The following ULK4 variants were observed in gnomAD, a reference collection of about 807,000 sequenced individuals.
The protein encoded by ULK4 is unc-51 like kinase 4.
ULK4 carries 133 observed loss-of-function variants against 160.6 expected under a neutral mutation model. The observed-to-expected ratio is 0.83, with a 90% CI of 0.72 to 0.96. ULK4 has a LOEUF of 0.96. ULK4 is among the 40% of genes least tolerant of loss of function. ULK4 has a pLI of 0.00. For missense variants in ULK4, 1,580 were observed against 1,499.5 expected (o/e 1.05, Z -0.89); for synonymous variants, 534 against 539.8 (o/e 0.99, Z 0.15).
At chr3:41,369,323 A>C (rs1012718920) in intron 35 of ULK4, among the ~76,000 whole-genome samples, 1 of 151,888 alleles carries the variant, frequency 6.6e-6, no homozygotes, top group African/African-American at 2.4e-5. Context: ...CAAAACCTTG[A>C]CTCCACTAAA....
At chr3:41,842,940 A>G (rs1361301172) in intron 17 of ULK4, among the ~76,000 whole-genome samples, 1 of 152,240 alleles carries the variant, frequency 6.6e-6, no homozygotes, top group East Asian at 1.9e-4. Context: ...CAACTTTTTC[A>G]ATAAATAGTG....
chr3:41,504,722 C>T (rs1209984161), intron 32 of ULK4, among the ~76,000 whole-genome samples: 1 of 152,068 alleles, frequency 6.6e-6, no homozygotes, highest in Non-Finnish European at 1.5e-5. Context: ...CTGAACATAT[C>T]CACATCAATA....
chr3:41,661,511 GATAGAT>G (rs2035163447), intron 30 of ULK4, among the ~76,000 whole-genome samples: 1 of 105,822 alleles, frequency 9.4e-6, no homozygotes, highest in African/African-American at 1.2e-4. Flanking sequence ...ATAGATAGAT[GATAGAT>G]AGATAGATAG....
chr3:41,712,125 T>C (rs2037116784), intron 25 of ULK4, among the ~76,000 whole-genome samples: 1 of 152,176 alleles, frequency 6.6e-6, no homozygotes, highest in African/African-American at 2.4e-5. Context: ...GGGAAAAAAA[T>C]TTACAAAAAA....
At chr3:41,686,316 A>G (rs1178515167) in intron 27 of ULK4, among the ~76,000 whole-genome samples, 1 of 152,238 alleles carries the variant, frequency 6.6e-6, no homozygotes, top group Non-Finnish European at 1.5e-5. Flanking sequence ...CCAACAGTAC[A>G]TAAATAGGGA....
intron 32 of ULK4, among the ~76,000 whole-genome samples, chr3:41,489,371 C>T (rs534574624): frequency 6.6e-6 from 1 of 152,166 alleles, no homozygotes; most frequent in Admixed American, 6.5e-5. Context: ...AATCCTTTAT[C>T]AGGTACAGTG....
At chr3:41,263,596 T>TA (rs35119938) in intron 35 of ULK4, among the ~76,000 whole-genome samples, 51,326 of 151,764 alleles carry the variant, frequency 0.34, 10,234 homozygotes, top group Non-Finnish European at 0.44. Context: ...TAATATAAAG[T>TA]AAAAAAACAC....
chr3:41,769,020 T>A (rs1490046009), intron 21 of ULK4, among the ~76,000 whole-genome samples: 1 of 152,204 alleles, frequency 6.6e-6, no homozygotes, highest in Non-Finnish European at 1.5e-5. Context: ...TATTCAGCTA[T>A]ACTAATAATC....
chr3:41,676,937 A>T (rs1270078859), intron 29 of ULK4, among the ~76,000 whole-genome samples: 5 of 116,710 alleles, frequency 4.3e-5, no homozygotes, highest in Admixed American at 4.3e-4. Context: ...TTTGAGACAG[A>T]GTCTCAATCT....
chr3:41,806,679 G>A (rs906010979), intron 19 of ULK4, among the ~76,000 whole-genome samples: 66 of 151,954 alleles, frequency 4.3e-4, no homozygotes, highest in African/African-American at 1.5e-3. Context: ...ATTCTGGTAT[G>A]TTGTGTCTTT....
At chr3:41,388,050 T>C (rs1187425124) in intron 35 of ULK4, among the ~76,000 whole-genome samples, 14 of 152,328 alleles carry the variant, frequency 9.2e-5, no homozygotes, top group Admixed American at 5.2e-4. Flanking sequence ...TTCCTGACTT[T>C]GTAATGATTG....
At chr3:41,440,023 T>G (rs546150827) in intron 34 of ULK4, among the ~76,000 whole-genome samples, 2 of 152,312 alleles carry the variant, frequency 1.3e-5, no homozygotes, top group South Asian at 4.1e-4. Context: ...AGAAATAAAA[T>G]AGATTTTTTT....
intron 17 of ULK4, among the ~76,000 whole-genome samples, chr3:41,876,178 G>GA (rs58545183): frequency 1.3e-5 from 2 of 151,786 alleles, no homozygotes; most frequent in African/African-American, 2.4e-5. Flanking sequence ...AACAATTCTA[G>GA]AAAAAAACAT....
At chr3:41,432,752 T>A (rs1207374183) in intron 34 of ULK4, among the ~76,000 whole-genome samples, 1 of 152,180 alleles carries the variant, frequency 6.6e-6, no homozygotes, top group Non-Finnish European at 1.5e-5. Context: ...CAGGTGCCAC[T>A]CCACTTATTT....
intron 34 of ULK4, among the ~76,000 whole-genome samples, chr3:41,425,796 G>C (rs1378881121): frequency 6.6e-6 from 1 of 152,080 alleles, no homozygotes; most frequent in Admixed American, 6.6e-5. Flanking sequence ...ATAGGGAAAG[G>C]AAAAACCATT....
chr3:41,911,745 A>C, intron 9 of ULK4, 86 bp from the exon 10 acceptor site: 1 of 1,007,488 alleles, frequency 9.9e-7, no homozygotes, highest in Admixed American at 2.0e-5. Flanking sequence ...TGGAGAAGAT[A>C]ATTAAATTAC....
intron 35 of ULK4, among the ~76,000 whole-genome samples, chr3:41,382,632 C>T (rs967320733): frequency 2.0e-5 from 3 of 151,914 alleles, no homozygotes; most frequent in Non-Finnish European, 4.4e-5. Context: ...GTTCTGTTGA[C>T]TGAATTCAAG....
At chr3:41,558,198 T>C (rs1691997) in intron 32 of ULK4, among the ~76,000 whole-genome samples, 65,971 of 151,944 alleles carry the variant, frequency 0.43, 15,538 homozygotes, top group Middle Eastern at 0.55. Flanking sequence ...CAGCAAAATA[T>C]TGGAAACAAC....
chr3:41,890,816 T>G (rs866039295), intron 16 of ULK4, among the ~76,000 whole-genome samples: 1 of 1,852 alleles, frequency 5.4e-4, no homozygotes, highest in Non-Finnish European at 8.8e-4. Context: ...AAGGAAGGGA[T>G]GGGAGGGGGG....
Sources: allele counts gnomAD v4.1 joint callset (sites outside exome capture counted in the v4.1 genomes callset), GRCh38; gene constraint gnomAD v4.1.1; transcripts MANE v1.5; gene names NCBI Gene and HGNC (gene_info 2026-07-23, HGNC 2026-07-21).